PICALM: variants seen among roughly 807,000 people sequenced by gnomAD.
PICALM encodes the protein phosphatidylinositol binding clathrin assembly protein.
In PICALM, 40 loss-of-function variants were observed where a neutral mutation model predicts 80.5. The ratio of observed to expected loss-of-function variants is 0.50; its 90% confidence interval spans 0.39 to 0.65. The LOEUF (loss-of-function observed/expected upper bound fraction) is 0.65. PICALM is among the 30% of genes least tolerant of loss of function. The probability of loss-of-function intolerance (pLI) is 0.00; values close to 1 mark genes in which losing one functional copy is unlikely to be tolerated. For missense variants in PICALM, 676 were observed against 778.9 expected (o/e 0.87, Z 1.57); for synonymous variants, 288 against 260.3 (o/e 1.11, Z -1.02).
chr11:86,010,680 T>A (rs988156495), intron 7 of PICALM, among the ~76,000 whole-genome samples: 2 of 152,184 alleles, frequency 1.3e-5, no homozygotes, highest in African/African-American at 4.8e-5. Flanking sequence ...CCTGCACTGA[T>A]ACTGGATATT....
chr11:85,985,635 G>C (rs1448570588), intron 13 of PICALM, among the ~76,000 whole-genome samples: 1 of 149,518 alleles, frequency 6.7e-6, no homozygotes, highest in Admixed American at 6.7e-5. Context: ...AGGTGTTTAA[G>C]AATTATGCCA....
At chr11:86,048,196 C>T (rs2096111527) in intron 1 of PICALM, among the ~76,000 whole-genome samples, 1 of 152,242 alleles carries the variant, frequency 6.6e-6, no homozygotes, top group Admixed American at 6.5e-5. Context: ...GTATCCCAAG[C>T]TGCTCTATAA....
chr11:86,022,109 T>C (rs1227698239), intron 4 of PICALM, among the ~76,000 whole-genome samples: 1 of 152,162 alleles, frequency 6.6e-6, no homozygotes, highest in Non-Finnish European at 1.5e-5. Context: ...GACAACTTTG[T>C]AAATACACTA....
chr11:86,008,307 T>A (rs889003188), intron 7 of PICALM, among the ~76,000 whole-genome samples: 1 of 152,152 alleles, frequency 6.6e-6, no homozygotes, highest in Admixed American at 6.5e-5. Flanking sequence ...CAGGGGCTGG[T>A]CTCAGAATGA....
At position 86,007,547 on chromosome 11, in the gene PICALM, A is replaced by C. The variant is rs2095304371; in HGVS notation, c.802T>G (p.Ser268Ala). ...TATTTTAACAATAAACTTACCTGTG[A>C]AAGGTCTGGTATATCACCTCTGTCA... ...GIDRGDIPDLSQAPSSLLDAL... is the reference protein window; with the variant it reads ...GIDRGDIPDLAQAPSSLLDAL... The change falls in exon 8 of 20, where the codon TCA (serine) becomes GCA (alanine). Residue 268 changes from serine (S) to alanine (A), a missense_variant. By Grantham distance (99) the Ser-to-Ala change is moderately conservative. This residue lies in a region of PICALM where 285 missense variants were observed against 395.4 expected (regional missense o/e 0.72). Coordinates refer to ENST00000393346, the MANE Select transcript of PICALM (RefSeq NM_007166.4). The C allele has an allele frequency of 1.3e-6, 2 of 1,510,980 alleles. No homozygotes were observed. The highest frequency in any genetic ancestry group is 1.8e-6 in the Non-Finnish European group (2 of 1,091,932). The allele number at this position is 1,510,980 out of a possible 1,614,324, so 93.6% of individuals were successfully genotyped here.
chr11:85,967,034 C>T (rs778857264), intron 19 of PICALM, among the ~76,000 whole-genome samples: 3 of 152,202 alleles, frequency 2.0e-5, no homozygotes, highest in Non-Finnish European at 2.9e-5. Flanking sequence ...CACTTTGTTA[C>T]AGCAGTCCTA....
At chr11:86,069,470 C>T (rs1225849047), upstream of PICALM, 2 of 152,678 alleles carry the variant, frequency 1.3e-5, no homozygotes, top group African/African-American at 2.4e-5. Flanking sequence ...CAAGTGTGTC[C>T]TCGTGTCTGT....
chr11:85,972,412 T>C (rs760697993), intron 19 of PICALM, among the ~76,000 whole-genome samples: 1 of 152,206 alleles, frequency 6.6e-6, no homozygotes, highest in Non-Finnish European at 1.5e-5. Flanking sequence ...TGGGGATAAG[T>C]TGATTTCACC....
At chr11:85,995,081 T>A (rs183408831) in intron 12 of PICALM, among the ~76,000 whole-genome samples, 2 of 152,302 alleles carry the variant, frequency 1.3e-5, no homozygotes, top group African/African-American at 4.8e-5. Context: ...AAAAAAAATA[T>A]ATCGATCTGA....
intron 2 of PICALM, among the ~76,000 whole-genome samples, chr11:86,029,044 G>A (rs1325763478): frequency 6.6e-6 from 1 of 151,858 alleles, no homozygotes; most frequent in Non-Finnish European, 1.5e-5. Context: ...TCACCATGTT[G>A]GTCACACTGG....
At chr11:85,979,122 G>A (rs1470119094) in intron 17 of PICALM, among the ~76,000 whole-genome samples, 2 of 152,122 alleles carry the variant, frequency 1.3e-5, no homozygotes, top group African/African-American at 4.8e-5. Context: ...CCTCAAGACA[G>A]CAACATTTAC....
intron 12 of PICALM, 42 bp downstream of exon 12, chr11:85,996,784 G>T: frequency 9.4e-7 from 1 of 1,064,736 alleles, no homozygotes; most frequent in Non-Finnish European, 1.5e-6. Context: ...ATGAGGAGGA[G>T]AGATGCATGT....
chr11:86,022,699 A>G (rs898905256), intron 3 of PICALM, among the ~76,000 whole-genome samples: 1 of 152,118 alleles, frequency 6.6e-6, no homozygotes, highest in Admixed American at 6.5e-5. Flanking sequence ...AGTTTTAAAA[A>G]AAAAACCTCT....
chr11:85,981,722 C>T (rs1253009399), intron 16 of PICALM, 23 bp downstream of exon 16: 6 of 1,573,324 alleles, frequency 3.8e-6, no homozygotes, highest in Non-Finnish European at 5.2e-6. Context: ...ACGGAGAAAA[C>T]AATGTGTATA....
chr11:86,026,005 CA>C (rs2095644181), intron 3 of PICALM, among the ~76,000 whole-genome samples: 1 of 152,170 alleles, frequency 6.6e-6, no homozygotes, highest in African/African-American at 2.4e-5. Flanking sequence ...TGCCCAAGTT[CA>C]TATAGCTGGT....
At chr11:86,022,831 ATCCC>A (rs1418043425) in intron 3 of PICALM, among the ~76,000 whole-genome samples, 4 of 152,076 alleles carry the variant, frequency 2.6e-5, no homozygotes, top group African/African-American at 9.7e-5. Flanking sequence ...TGGAACCACA[ATCCC>A]ATTCCTCAAA....
chr11:86,004,810 C>T (rs528109), intron 8 of PICALM, among the ~76,000 whole-genome samples: 121,139 of 152,084 alleles, frequency 0.8, 48,327 homozygotes, highest in African/African-American at 0.83. Flanking sequence ...TACCAGGACC[C>T]TAGCCCAAGG....
chr11:85,959,083 T>G, intron 19 of PICALM, 23 bp from the exon 20 acceptor site: 11 of 1,533,536 alleles, frequency 7.2e-6, no homozygotes, highest in Non-Finnish European at 9.9e-6. Context: ...AGTGGGTATG[T>G]TAATTCATTG....
chr11:86,028,980 T>C (rs1284494994), intron 2 of PICALM, among the ~76,000 whole-genome samples: 1 of 151,728 alleles, frequency 6.6e-6, no homozygotes, highest in African/African-American at 2.4e-5. Context: ...TGGGATTACA[T>C]ATGTGCACCA....
Sources: gnomAD v4.1 joint callset for allele counts (sites outside exome capture counted in the v4.1 genomes callset) on GRCh38, gnomAD v4.1.1 for gene constraint, gnomAD v4.1.1 regional missense constraint, MANE v1.5 for transcripts, NCBI Gene and HGNC (gene_info 2026-07-23, HGNC 2026-07-21) for gene names.